Variants in VTI1A observed in about 807,000 individuals in gnomAD.
VTI1A encodes vesicle transport through interaction with t-SNAREs 1A, also known as vesicle transport through interaction with t-SNAREs homolog 1A.
VTI1A carries 22 observed loss-of-function variants against 34.9 expected under a neutral mutation model. That is an observed-to-expected ratio of 0.63 (90% CI 0.45 to 0.90). The LOEUF (loss-of-function observed/expected upper bound fraction) is 0.90. Among genes scored for constraint, VTI1A ranks in the 40% least tolerant of loss-of-function variants. VTI1A has a pLI of 0.00. For missense variants in VTI1A, 268 were observed against 275.6 expected (o/e 0.97, Z 0.20); for synonymous variants, 87 against 97.3 (o/e 0.89, Z 0.62).
At chr10:112,447,511 G>C in intron 1 of VTI1A, 44 bp downstream of exon 1, 1 of 1,599,772 alleles carries the variant, frequency 6.3e-7, no homozygotes, top group East Asian at 2.3e-5. Flanking sequence ...GGGAGAGCTG[G>C]GAGGGTGCGG....
chr10:112,551,434 T>C (rs570429379), intron 5 of VTI1A, among the ~76,000 whole-genome samples: 1 of 152,250 alleles, frequency 6.6e-6, no homozygotes, highest in Admixed American at 6.5e-5. Flanking sequence ...TGGACTTCTA[T>C]TGATCTCTGC....
intron 5 of VTI1A, among the ~76,000 whole-genome samples, chr10:112,616,016 AAAG>A (rs1397910178): frequency 6.6e-6 from 1 of 152,212 alleles, no homozygotes; most frequent in Admixed American, 6.5e-5. Context: ...ATTAAGCATC[AAAG>A]TTCTCAACCT....
At chr10:112,539,623 T>G (rs1479689370) in intron 5 of VTI1A, among the ~76,000 whole-genome samples, 1 of 152,142 alleles carries the variant, frequency 6.6e-6, no homozygotes, top group Non-Finnish European at 1.5e-5. Flanking sequence ...GGAAAGAGCC[T>G]TGAACATGAA....
intron 7 of VTI1A, among the ~76,000 whole-genome samples, chr10:112,693,412 TG>T (rs371535316): frequency 4.2e-4 from 64 of 152,082 alleles, no homozygotes; most frequent in African/African-American, 1.4e-3. Flanking sequence ...CCAGGCGTGG[TG>T]GTGGGCACCT....
At chr10:112,474,657 A>G (rs1848219986) in intron 3 of VTI1A, among the ~76,000 whole-genome samples, 1 of 150,954 alleles carries the variant, frequency 6.6e-6, no homozygotes, top group Non-Finnish European at 1.5e-5. Context: ...GGGTCTCCCT[A>G]TGTCACCCAG....
chr10:112,649,659 C>A (rs2133797685), intron 5 of VTI1A, among the ~76,000 whole-genome samples: 1 of 152,234 alleles, frequency 6.6e-6, no homozygotes, highest in East Asian at 1.9e-4. Context: ...AGAAATGCAT[C>A]CTTAGGCATT....
At chr10:112,461,820 C>A (rs889187769) in intron 2 of VTI1A, among the ~76,000 whole-genome samples, 1 of 152,188 alleles carries the variant, frequency 6.6e-6, no homozygotes, top group Admixed American at 6.5e-5. Context: ...TGGGCTCAAG[C>A]GATTCTCATG....
At chr10:112,854,481 G>T in the VTI1A span, among the ~76,000 whole-genome samples, 1 of 152,082 alleles carries the variant, frequency 6.6e-6, no homozygotes, top group African/African-American at 2.4e-5. Context: ...AGGCCACCAT[G>T]ACCCCCACTT....
At chr10:112,567,321 G>A (rs147051210) in intron 5 of VTI1A, among the ~76,000 whole-genome samples, 7 of 152,224 alleles carry the variant, frequency 4.6e-5, no homozygotes, top group Admixed American at 6.5e-5. Context: ...GAACCACTGC[G>A]CCGGCCATAA....
intron 7 of VTI1A, among the ~76,000 whole-genome samples, chr10:112,707,702 A>G (rs554608469): frequency 6.6e-6 from 1 of 152,190 alleles, no homozygotes; most frequent in Non-Finnish European, 1.5e-5. Context: ...CAAATAATTG[A>G]ATGTTTTATT....
intron 7 of VTI1A, among the ~76,000 whole-genome samples, chr10:112,674,691 C>T (rs767832535): frequency 3.3e-5 from 5 of 152,240 alleles, no homozygotes; most frequent in Admixed American, 2.0e-4. Context: ...CTTAACAGTT[C>T]TGTGAAGGAG....
intron 7 of VTI1A, among the ~76,000 whole-genome samples, chr10:112,683,646 C>G (rs912733940): frequency 1.3e-5 from 2 of 152,198 alleles, no homozygotes; most frequent in African/African-American, 4.8e-5. Flanking sequence ...TTATATTGCT[C>G]TACTCACTTA....
chr10:112,740,963 T>C (rs1277765285), intron 7 of VTI1A, among the ~76,000 whole-genome samples: 1 of 152,204 alleles, frequency 6.6e-6, no homozygotes, highest in Non-Finnish European at 1.5e-5. Flanking sequence ...TAAAATGTGG[T>C]CTATTATTCA....
At chr10:112,658,454 A>G (rs916377313) in intron 5 of VTI1A, among the ~76,000 whole-genome samples, 2 of 152,184 alleles carry the variant, frequency 1.3e-5, no homozygotes, top group Non-Finnish European at 2.9e-5. Flanking sequence ...TTACAAATTT[A>G]TAAAGGACTT....
the VTI1A span, among the ~76,000 whole-genome samples, chr10:112,832,819 A>C: frequency 6.6e-6 from 1 of 152,174 alleles, no homozygotes; most frequent in African/African-American, 2.4e-5. Context: ...GGGCCTGCCA[A>C]GCTCTGTAAC....
At chr10:112,775,337 C>T (rs1020161040) in intron 7 of VTI1A, among the ~76,000 whole-genome samples, 1 of 152,168 alleles carries the variant, frequency 6.6e-6, no homozygotes, top group Non-Finnish European at 1.5e-5. Context: ...ATTGTGTTGT[C>T]CCAGTGCAGG....
At chr10:112,658,750 T>TC (rs1162797679) in intron 5 of VTI1A, among the ~76,000 whole-genome samples, 1 of 152,170 alleles carries the variant, frequency 6.6e-6, no homozygotes, top group Non-Finnish European at 1.5e-5. Flanking sequence ...ATAACTCAGT[T>TC]CCAGCCTGTG....
At chr10:112,611,737 A>ATTTTTT (rs3057346) in intron 5 of VTI1A, among the ~76,000 whole-genome samples, 5,213 of 100,274 alleles carry the variant, frequency 0.052, 413 homozygotes, top group Middle Eastern at 0.077. Context: ...GAGAAAGGTA[A>ATTTTTT]TTTTTTTTTT....
chr10:112,627,402 C>G (rs1177462572), intron 5 of VTI1A, among the ~76,000 whole-genome samples: 1 of 152,130 alleles, frequency 6.6e-6, no homozygotes. Flanking sequence ...CCTTATATGA[C>G]AGTTTTTAAA....
Sources: gnomAD v4.1 joint callset for allele counts (sites outside exome capture counted in the v4.1 genomes callset) on GRCh38, gnomAD v4.1.1 for gene constraint, MANE v1.5 for transcripts, NCBI Gene and HGNC (gene_info 2026-07-23, HGNC 2026-07-21) for gene names.